CNTNAP2: variants seen among roughly 807,000 people sequenced by gnomAD.
CNTNAP2 encodes contactin-associated protein-like 2.
A neutral mutation model predicts 155.2 loss-of-function variants in CNTNAP2; 98 were observed. The observed-to-expected ratio is 0.63, with a 90% CI of 0.54 to 0.75. The LOEUF is 0.75. Ranked by LOEUF, CNTNAP2 falls within the 30% of genes least tolerant of loss-of-function variation. The probability of loss-of-function intolerance (pLI) is 0.00; values close to 1 mark genes in which losing one functional copy is unlikely to be tolerated. For synonymous variants in CNTNAP2, 651 were observed against 631.2 expected (o/e 1.03, Z -0.47); for missense variants, 1,727 against 1,688.1 (o/e 1.02, Z -0.40).
intron 8 of CNTNAP2, among the ~76,000 whole-genome samples, chr7:147,207,503 T>C (rs1305078357): frequency 6.6e-6 from 1 of 152,168 alleles, no homozygotes; most frequent in Non-Finnish European, 1.5e-5. Context: ...ATAGCATCAT[T>C]CTATTCAAGT....
At position 147,090,938 on chromosome 7, in the gene CNTNAP2, A is replaced by G. The variant is rs148634197; in HGVS notation, c.551-17209A>G. On this transcript the variant is annotated intron_variant, in intron 4 of 23. Transcript: ENST00000361727. Reference sequence around the variant, plus strand: ...CAAGAAATGTTCTCTAAAATCCTGAATTCTTCCATTTAGGATCTAACTTAA... The same window carrying G: ...CAAGAAATGTTCTCTAAAATCCTGAGTTCTTCCATTTAGGATCTAACTTAA... Among the ~76,000 whole-genome samples, 671 of 152,258 alleles carry G rather than the reference A, an allele frequency of 4.4e-3. 1 individual carries two copies. Among genetic ancestry groups the G allele is most frequent in the Middle Eastern group, 6.8e-3 (2 of 294 alleles).
At chr7:146,255,624 A>G (rs1799825297) in intron 1 of CNTNAP2, among the ~76,000 whole-genome samples, 1 of 152,192 alleles carries the variant, frequency 6.6e-6, no homozygotes, top group Non-Finnish European at 1.5e-5. Flanking sequence ...ATTTGTCAAG[A>G]AGGATTAAAG....
At chr7:147,386,692 C>G (rs1385891872) in intron 9 of CNTNAP2, among the ~76,000 whole-genome samples, 1 of 152,148 alleles carries the variant, frequency 6.6e-6, no homozygotes, top group Non-Finnish European at 1.5e-5. Context: ...CTAAGGAGTT[C>G]CGAACTTTCC....
chr7:147,904,707 G>A (rs1037432918), intron 14 of CNTNAP2, among the ~76,000 whole-genome samples: 3 of 152,048 alleles, frequency 2.0e-5, no homozygotes, highest in African/African-American at 7.2e-5. Flanking sequence ...TAGGATGTCT[G>A]CTTACTTTCT....
Position 147,991,553 on chromosome 7 carries a change from G to T in CNTNAP2, c.2383+13564G>T, listed in dbSNP as rs139643827. Among the ~76,000 whole-genome samples, 1,200 of 151,928 alleles carry T rather than the reference G, an allele frequency of 7.9e-3. 12 individuals carry two copies. Among genetic ancestry groups the T allele is most frequent in the Middle Eastern group, 0.014 (4 of 294 alleles). On this transcript the variant is annotated intron_variant, in intron 15 of 23. Transcript: ENST00000361727. ...TTCCTTTGTACCTTGAAAATCCCTT[G>T]AATCTGATGATTATCTTTAAATTAA... is the stretch of plus-strand genomic sequence containing the variant.
chr7:147,471,029 C>A (rs1278444745), intron 10 of CNTNAP2, among the ~76,000 whole-genome samples: 1 of 152,104 alleles, frequency 6.6e-6, no homozygotes, highest in African/African-American at 2.4e-5. Context: ...TGCAAGCCAA[C>A]TGAAGAGTGC....
intron 1 of CNTNAP2, among the ~76,000 whole-genome samples, chr7:146,562,343 A>G (rs1361378366): frequency 6.6e-6 from 1 of 152,100 alleles, no homozygotes; most frequent in Non-Finnish European, 1.5e-5. Context: ...TTTTAAAAAT[A>G]AGATTCTAGT....
At chr7:146,764,063 G>C (rs1802152247) in intron 1 of CNTNAP2, among the ~76,000 whole-genome samples, 1 of 152,152 alleles carries the variant, frequency 6.6e-6, no homozygotes, top group Non-Finnish European at 1.5e-5. Flanking sequence ...CTAACTTTCA[G>C]TTAACCAGTT....
intron 1 of CNTNAP2, among the ~76,000 whole-genome samples, chr7:146,187,644 A>T (rs567324045): frequency 4.2e-4 from 64 of 151,836 alleles, no homozygotes; most frequent in Middle Eastern, 3.4e-3. Context: ...TCCCATTCAT[A>T]TACTCTCTCT....
At chr7:147,980,645 C>A (rs1321343282) in intron 15 of CNTNAP2, among the ~76,000 whole-genome samples, 7 of 151,990 alleles carry the variant, frequency 4.6e-5, no homozygotes, top group Admixed American at 3.3e-4. Flanking sequence ...GTTCTCACGG[C>A]CGGGCGCGGT....
intron 15 of CNTNAP2, among the ~76,000 whole-genome samples, chr7:148,028,405 CA>C (rs1295741254): frequency 6.6e-6 from 1 of 152,116 alleles, no homozygotes; most frequent in Non-Finnish European, 1.5e-5. Flanking sequence ...TGGGAAAAAT[CA>C]GTTTAACCCA....
chr7:147,625,853 G>T (rs187383993), intron 12 of CNTNAP2, among the ~76,000 whole-genome samples: 1 of 152,162 alleles, frequency 6.6e-6, no homozygotes, highest in African/African-American at 2.4e-5. Flanking sequence ...AGGAAAACCT[G>T]CCTCCAAACA....
At chr7:147,570,630 A>G (rs1211659713) in intron 12 of CNTNAP2, among the ~76,000 whole-genome samples, 1 of 152,228 alleles carries the variant, frequency 6.6e-6, no homozygotes, top group African/African-American at 2.4e-5. Context: ...TTAAAATATC[A>G]CATGCATTAA....
intron 20 of CNTNAP2, among the ~76,000 whole-genome samples, chr7:148,244,449 G>A (rs551150903): frequency 2.0e-5 from 3 of 152,074 alleles, no homozygotes; most frequent in South Asian, 2.1e-4. Flanking sequence ...AGCCCAGTGT[G>A]TATATTTATT....
chr7:147,947,657 C>A (rs1800844822), intron 14 of CNTNAP2, among the ~76,000 whole-genome samples: 2 of 151,748 alleles, frequency 1.3e-5, no homozygotes, highest in Admixed American at 1.3e-4. Context: ...AAAATTCCAG[C>A]AAGAGTAGCT....
At chr7:146,783,475 A>G (rs1353041686) in intron 2 of CNTNAP2, among the ~76,000 whole-genome samples, 1 of 152,168 alleles carries the variant, frequency 6.6e-6, no homozygotes, top group Non-Finnish European at 1.5e-5. Flanking sequence ...TGGGAGTTTT[A>G]TAAAATTAAA....
At chr7:146,351,019 G>A (rs1256651602) in intron 1 of CNTNAP2, among the ~76,000 whole-genome samples, 1 of 132,896 alleles carries the variant, frequency 7.5e-6, no homozygotes, top group African/African-American at 2.9e-5. Flanking sequence ...TCACACTCTG[G>A]GGCTTGTTGT....
chr7:147,002,238 C>T (rs1027987808), intron 3 of CNTNAP2, among the ~76,000 whole-genome samples: 1 of 151,966 alleles, frequency 6.6e-6, no homozygotes, highest in African/African-American at 2.4e-5. Context: ...TGAACATACA[C>T]TCACATAGAG....
chr7:147,735,598 A>G (rs1269578369), intron 13 of CNTNAP2, among the ~76,000 whole-genome samples: 1 of 152,124 alleles, frequency 6.6e-6, no homozygotes, highest in Non-Finnish European at 1.5e-5. Context: ...TGTCTTGTTG[A>G]TCTGTCTAAT....
Sources: allele counts gnomAD v4.1 joint callset (sites outside exome capture counted in the v4.1 genomes callset), GRCh38; gene constraint gnomAD v4.1.1; transcripts MANE v1.5; gene names NCBI Gene and HGNC (gene_info 2026-07-23, HGNC 2026-07-21).